Variants in RBMS3 observed in about 807,000 individuals in gnomAD.
The protein encoded by RBMS3 is RNA-binding motif, single-stranded-interacting protein 3.
RBMS3 carries 27 observed loss-of-function variants against 66.8 expected under a neutral mutation model. The ratio of observed to expected loss-of-function variants is 0.40; its 90% CI spans 0.30 to 0.56. The LOEUF (loss-of-function observed/expected upper bound fraction) is 0.56, where lower values mean the gene tolerates loss of function less well. Among genes scored for constraint, RBMS3 ranks in the 20% least tolerant of loss-of-function variants. RBMS3 has a pLI of 0.40. For synonymous variants in RBMS3, 188 were observed against 183.0 expected (o/e 1.03, Z -0.22); for missense variants, 513 against 549.5 (o/e 0.93, Z 0.66).
intron 7 of RBMS3, 84 bp from the exon 8 acceptor site, chr3:29,884,078 A>G: frequency 8.7e-7 from 1 of 1,144,806 alleles, no homozygotes; most frequent in East Asian, 2.4e-5. Flanking sequence ...AGTAATGATA[A>G]GAGTCTTTGT....
intron 4 of RBMS3, among the ~76,000 whole-genome samples, chr3:29,687,060 C>A (rs1014101791): frequency 2.6e-5 from 4 of 152,110 alleles, no homozygotes; most frequent in Non-Finnish European, 5.9e-5. Flanking sequence ...TGAGGTCATG[C>A]ATTTTGAAAG....
At chr3:29,836,781 C>CTATATATATATA (rs34553455) in intron 6 of RBMS3, among the ~76,000 whole-genome samples, 3 of 145,970 alleles carry the variant, frequency 2.1e-5, no homozygotes, top group Admixed American at 6.9e-5. Context: ...AACCATTTCA[C>CTATATATATATA]TATATATATA....
chr3:29,352,857 C>T (rs1295976657), intron 1 of RBMS3, among the ~76,000 whole-genome samples: 2 of 151,770 alleles, frequency 1.3e-5, no homozygotes, highest in African/African-American at 4.8e-5. Context: ...CTTTCTCTGC[C>T]AGGCCTATTT....
intron 6 of RBMS3, among the ~76,000 whole-genome samples, chr3:29,812,612 G>T (rs1282061114): frequency 6.6e-6 from 1 of 152,204 alleles, no homozygotes; most frequent in Non-Finnish European, 1.5e-5. Context: ...CTAAAACTTG[G>T]AATGGAAGGC....
At position 29,930,109 on chromosome 3, in the gene RBMS3, C is replaced by CTTTCTTTCT. The variant is rs71091082; in HGVS notation, c.940-5974_940-5973insCTTTCTTTT. Among the ~76,000 whole-genome samples, 20 of 43,570 alleles carry CTTTCTTTCT rather than the reference C, an allele frequency of 4.6e-4. 6 individuals are homozygous for CTTTCTTTCT. The highest frequency in any genetic ancestry group is 1.2e-3 in the South Asian group (1 of 808). 28.6% of individuals were successfully genotyped at this position (43,570 alleles called of 152,430 possible). ...TACTTTGTGTCACTTTTCTTTCTTT[C>CTTTCTTTCT]TTTTTTTTTTTTTTTTTTTTGAGAT... On this transcript the variant is annotated intron_variant, in intron 10 of 14. Coordinates refer to ENST00000383767, the MANE Select transcript of RBMS3 (RefSeq NM_001003793.3).
At chr3:29,713,632 G>A (rs1190864696) in intron 4 of RBMS3, among the ~76,000 whole-genome samples, 5 of 152,110 alleles carry the variant, frequency 3.3e-5, no homozygotes, top group African/African-American at 4.8e-5. Flanking sequence ...AAACATTCTA[G>A]CAACAAATAT....
intron 2 of RBMS3, among the ~76,000 whole-genome samples, chr3:29,482,685 TTTTCTTTCTTTC>T (rs763917777): frequency 7.7e-6 from 1 of 130,652 alleles, no homozygotes; most frequent in Non-Finnish European, 1.6e-5. Flanking sequence ...CAGTCTACCA[TTTTCTTTCTTTC>T]TTTCTTTTTT....
chr3:29,655,149 A>T (rs139961601), intron 4 of RBMS3, among the ~76,000 whole-genome samples: 123 of 152,284 alleles, frequency 8.1e-4, no homozygotes, highest in Non-Finnish European at 1.4e-3. Context: ...ATTGTGGTGC[A>T]TGTGAAGATT....
At chr3:29,338,520 G>A (rs1475047979) in intron 1 of RBMS3, among the ~76,000 whole-genome samples, 1 of 152,158 alleles carries the variant, frequency 6.6e-6, no homozygotes, top group African/African-American at 2.4e-5. Flanking sequence ...CAAATTCTCA[G>A]ATTTCTGCTC....
chr3:29,857,546 CTA>C (rs140014798), intron 6 of RBMS3, among the ~76,000 whole-genome samples: 2,853 of 132,662 alleles, frequency 0.022, 47 homozygotes, highest in Non-Finnish European at 0.033. Flanking sequence ...TGTGGGGACT[CTA>C]TGCTTTTTTT....
At chr3:29,323,839 A>G (rs2035160375) in intron 1 of RBMS3, among the ~76,000 whole-genome samples, 1 of 151,848 alleles carries the variant, frequency 6.6e-6, no homozygotes. Flanking sequence ...CTTGTACGCA[A>G]TTTTTGGCAT....
chr3:29,394,101 A>T (rs1430831031), intron 1 of RBMS3, among the ~76,000 whole-genome samples: 1 of 152,188 alleles, frequency 6.6e-6, no homozygotes, highest in Non-Finnish European at 1.5e-5. Flanking sequence ...CTGCAGGAGA[A>T]CAGGGTGTAT....
At chr3:29,693,745 G>A (rs2052141425) in intron 4 of RBMS3, among the ~76,000 whole-genome samples, 2 of 152,098 alleles carry the variant, frequency 1.3e-5, no homozygotes, top group South Asian at 4.2e-4. Flanking sequence ...TGAGACCGAA[G>A]CTGTACATAA....
At chr3:29,616,873 C>A (rs1299184895) in intron 4 of RBMS3, 1 of 151,962 alleles carries the variant, frequency 6.6e-6, no homozygotes, top group Admixed American at 6.6e-5. Flanking sequence ...AATAGTAAAG[C>A]CAAAAAACCT....
At position 29,685,352 on chromosome 3, in the gene RBMS3, C is replaced by T. The variant is rs538636621; in HGVS notation, c.400-54368C>T. Among the ~76,000 whole-genome samples the T allele has an allele frequency of 6.6e-5, 10 of 152,332 alleles. No homozygotes were observed. The South Asian group carries it at 8.3e-4, about 13-fold the overall frequency. ...CTGGCATTACAGGCGCGAGCTGCAG[C>T]GCCCAGCCCGGTAAACATTTTTTTT... On this transcript the variant is annotated intron_variant, in intron 4 of 14. Coordinates refer to ENST00000383767, the MANE Select transcript of RBMS3 (RefSeq NM_001003793.3).
chr3:29,458,168 C>G (rs2042256698), intron 2 of RBMS3, among the ~76,000 whole-genome samples: 4 of 152,110 alleles, frequency 2.6e-5, no homozygotes, highest in Admixed American at 2.6e-4. Context: ...AAGTTTCTTG[C>G]AGATGAAGAG....
chr3:29,442,913 G>A (rs772175553), intron 2 of RBMS3, among the ~76,000 whole-genome samples: 6 of 151,882 alleles, frequency 4.0e-5, no homozygotes, highest in Non-Finnish European at 8.8e-5. Flanking sequence ...ATATTTTGGA[G>A]TTTTCTGGAG....
chr3:29,816,919 G>C (rs927864724), intron 6 of RBMS3, among the ~76,000 whole-genome samples: 1 of 151,868 alleles, frequency 6.6e-6, no homozygotes, highest in African/African-American at 2.4e-5. Flanking sequence ...GTGATACCCC[G>C]TCTCTACTAA....
intron 1 of RBMS3, among the ~76,000 whole-genome samples, chr3:29,312,608 CCTTGT>C (rs1328562694): frequency 2.0e-5 from 3 of 151,556 alleles, no homozygotes; most frequent in Non-Finnish European, 4.4e-5. Flanking sequence ...CTTTTTCTCT[CCTTGT>C]CTTTGTGTAT....
Sources: gnomAD v4.1 joint callset for allele counts (sites outside exome capture counted in the v4.1 genomes callset) on GRCh38, gnomAD v4.1.1 for gene constraint, MANE v1.5 for transcripts, NCBI Gene and HGNC (gene_info 2026-07-23, HGNC 2026-07-21) for gene names.